Variants in NEMP2 observed in about 807,000 individuals in gnomAD.
NEMP2 encodes UPF0571 transmembrane protein.
Under a neutral mutation model 54.2 loss-of-function variants are expected in NEMP2, and 53 were observed. The observed-to-expected ratio is 0.98, with a 90% confidence interval of 0.78 to 1.23. The LOEUF (loss-of-function observed/expected upper bound fraction) is 1.23. Among genes scored for constraint, NEMP2 ranks in the 50% most tolerant of loss-of-function variants. NEMP2 has a pLI of 0.00. For missense variants in NEMP2, 455 were observed against 511.3 expected (o/e 0.89, Z 1.06); for synonymous variants, 197 against 190.3 (o/e 1.04, Z -0.29).
At chr2:190,456,490 C>T in the NEMP2 span, among the ~76,000 whole-genome samples, 3 of 152,026 alleles carry the variant, frequency 2.0e-5, no homozygotes, top group Non-Finnish European at 2.9e-5. This position sits in a 1 kb window ranked among gnomAD's most constrained non-coding sequence, Gnocchi z 5.4. Flanking sequence ...CCTTTCAACC[C>T]GCTGGTGATA....
the NEMP2 span, among the ~76,000 whole-genome samples, chr2:190,458,426 C>G: frequency 6.6e-6 from 1 of 151,688 alleles, no homozygotes; most frequent in African/African-American, 2.4e-5. The surrounding 1 kb of genome is among the most constrained non-coding windows in gnomAD (Gnocchi z 5.3). Flanking sequence ...CGAGAGGGGC[C>G]CTGGAGAAAC....
At chr2:190,461,790 G>T in the NEMP2 span, among the ~76,000 whole-genome samples, 1 of 151,766 alleles carries the variant, frequency 6.6e-6, no homozygotes, top group South Asian at 2.1e-4. This position sits in a 1 kb window ranked among gnomAD's most constrained non-coding sequence, Gnocchi z 5.5. Context: ...AATTTTGGAG[G>T]GTATACAGAC....
chr2:190,575,108 C>T, the NEMP2 span, among the ~76,000 whole-genome samples: 1 of 151,722 alleles, frequency 6.6e-6, no homozygotes, highest in Non-Finnish European at 1.5e-5. Flanking sequence ...GCCCGCCTCG[C>T]CCTCCCAAAG....
chr2:190,577,045 G>C, the NEMP2 span, among the ~76,000 whole-genome samples: 1 of 152,178 alleles, frequency 6.6e-6, no homozygotes, highest in South Asian at 2.1e-4. This position sits in a 1 kb window ranked among gnomAD's most constrained non-coding sequence, Gnocchi z 4.8. Flanking sequence ...AATTTGGAAA[G>C]ACAGGGCCCC....
the NEMP2 span, among the ~76,000 whole-genome samples, chr2:190,493,063 G>T: frequency 6.6e-6 from 1 of 151,958 alleles, no homozygotes; most frequent in Non-Finnish European, 1.5e-5. Context: ...TGGCCTAAAT[G>T]CTCCACTTAA....
chr2:190,602,256 C>T, the NEMP2 span, among the ~76,000 whole-genome samples: 1 of 152,098 alleles, frequency 6.6e-6, no homozygotes, highest in Admixed American at 6.5e-5. Flanking sequence ...GCTGGCAGGC[C>T]GGAAATTCAG....
At chr2:190,575,684 G>A in the NEMP2 span, among the ~76,000 whole-genome samples, 1 of 152,026 alleles carries the variant, frequency 6.6e-6, no homozygotes, top group Admixed American at 6.6e-5. Context: ...GCGAAGCCTC[G>A]TCTCTACTAA....
At chr2:190,489,929 C>CA in the NEMP2 span, 16 of 1,331,822 alleles carry the variant, frequency 1.2e-5, no homozygotes, top group African/African-American at 4.1e-5. This position sits in a 1 kb window ranked among gnomAD's most constrained non-coding sequence, Gnocchi z 6.6. Flanking sequence ...TCAACAAATG[C>CA]CCCGAGAAGC....
chr2:190,461,010 A>C, the NEMP2 span, among the ~76,000 whole-genome samples: 1 of 152,342 alleles, frequency 6.6e-6, no homozygotes, highest in Admixed American at 6.5e-5. This position sits in a 1 kb window ranked among gnomAD's most constrained non-coding sequence, Gnocchi z 5.5. Flanking sequence ...TTGTCCAGGA[A>C]GAAAATGATT....
the NEMP2 span, among the ~76,000 whole-genome samples, chr2:190,636,788 A>G: frequency 6.6e-6 from 1 of 152,218 alleles, no homozygotes; most frequent in Admixed American, 6.5e-5. Flanking sequence ...TTAGCACCTT[A>G]TTTGTCACAT....
the NEMP2 span, among the ~76,000 whole-genome samples, chr2:190,463,312 A>G: frequency 7.2e-5 from 11 of 152,356 alleles, no homozygotes; most frequent in African/African-American, 2.2e-4. The surrounding 1 kb of genome is among the most constrained non-coding windows in gnomAD (Gnocchi z 4.4). Context: ...ACAATAGAGA[A>G]CATCATCTTA....
At chr2:190,471,542 G>T in the NEMP2 span, among the ~76,000 whole-genome samples, 2 of 152,346 alleles carry the variant, frequency 1.3e-5, no homozygotes, top group South Asian at 4.1e-4. The surrounding 1 kb of genome is among the most constrained non-coding windows in gnomAD (Gnocchi z 4.7). Context: ...GAGGCTGGGG[G>T]AGGGGCACCC....
chr2:190,502,977 T>C (rs937896137), downstream of NEMP2, among the ~76,000 whole-genome samples: 39 of 152,308 alleles, frequency 2.6e-4, no homozygotes, highest in Admixed American at 2.0e-4. This position sits in a 1 kb window ranked among gnomAD's most constrained non-coding sequence, Gnocchi z 4.4. Context: ...GCTTAGCACC[T>C]TACCCCACCC....
At chr2:190,421,472 A>G in the NEMP2 span, among the ~76,000 whole-genome samples, 1 of 129,264 alleles carries the variant, frequency 7.7e-6, no homozygotes, top group South Asian at 2.9e-4. Flanking sequence ...GTATGAAGTT[A>G]AAAAAATGAA....
chr2:190,515,357 T>C (rs1184675762), intron 6 of NEMP2, among the ~76,000 whole-genome samples: 2 of 152,152 alleles, frequency 1.3e-5, no homozygotes, highest in African/African-American at 2.4e-5. Flanking sequence ...AGCATATCAC[T>C]ATGATGAAAA....
At chr2:190,579,596 A>G in the NEMP2 span, among the ~76,000 whole-genome samples, 1 of 152,234 alleles carries the variant, frequency 6.6e-6, no homozygotes, top group Admixed American at 6.5e-5. Context: ...ACACAAAATG[A>G]CCAAGGAACA....
At chr2:190,623,073 C>T in the NEMP2 span, among the ~76,000 whole-genome samples, 1 of 151,924 alleles carries the variant, frequency 6.6e-6, no homozygotes, top group Non-Finnish European at 1.5e-5. Context: ...AGAAAGCAAT[C>T]CTATTTACTA....
chr2:190,621,746 A>T, the NEMP2 span, among the ~76,000 whole-genome samples: 1 of 152,326 alleles, frequency 6.6e-6, no homozygotes, highest in Non-Finnish European at 1.5e-5. Context: ...CCTTCACATG[A>T]TGGTCAATTA....
At chr2:190,534,880 G>A (rs549157039), upstream of NEMP2, 41 of 373,022 alleles carry the variant, frequency 1.1e-4, no homozygotes, top group South Asian at 5.4e-3. Context: ...GGAGCTTTCG[G>A]TGGCGCGACC....
Sources: gnomAD v4.1 joint callset for allele counts (sites outside exome capture counted in the v4.1 genomes callset) on GRCh38, gnomAD v4.1.1 for gene constraint, Gnocchi (gnomAD v3.1) non-coding constraint, MANE v1.5 for transcripts, NCBI Gene and HGNC (gene_info 2026-07-23, HGNC 2026-07-21) for gene names.